Variants in PDK4 observed in about 807,000 individuals in gnomAD.
PDK4 encodes pyruvate dehydrogenase kinase, isozyme 4.
Under a neutral mutation model 51.7 loss-of-function variants are expected in PDK4, and 43 were observed. The ratio of observed to expected loss-of-function variants is 0.83; its 90% CI spans 0.65 to 1.07. PDK4 has a LOEUF of 1.07. Among genes scored for constraint, PDK4 ranks in the 50% least tolerant of loss-of-function variants. The probability of loss-of-function intolerance (pLI) is 0.00; values close to 1 mark genes in which losing one functional copy is unlikely to be tolerated. For synonymous variants in PDK4, 170 were observed against 176.6 expected (o/e 0.96, Z 0.30); for missense variants, 498 against 503.5 (o/e 0.99, Z 0.10).
chr7:95,584,732 T>C lies in PDK4; in HGVS notation c.*909A>G, dbSNP rs1791457740. 6.6e-6 allele frequency: 1 copy of C among 152,384 alleles called. No individual in the cohort carries two copies. The highest frequency in any genetic ancestry group is 6.5e-5 in the Admixed American group (1 of 15,282). The allele number at this position is 152,384 out of a possible 1,614,324, so 9.4% of individuals were successfully genotyped here. A position where few individuals can be genotyped will look rare whatever the true frequency, so the allele number is the denominator to read the frequency against. ...CAGGGTAGAGAAAAGCCCTTCCTACTGAATTAGGCTCTGAACATGTGATTT... is the reference window on the plus strand; with the variant it reads ...CAGGGTAGAGAAAAGCCCTTCCTACCGAATTAGGCTCTGAACATGTGATTT... On this transcript the variant is annotated 3_prime_UTR_variant, in exon 11 of 11. Transcript: ENST00000005178.
rs112315104 is a variant in PDK4, at chr7:95,586,096, T to C, written c.1096-315A>G. ...TTAATGTTTTAGTTGCTAATATCTA[T>C]ATTTTCAGTTGAAATAGTCAGCAAA... On this transcript the variant is annotated intron_variant, in intron 10 of 10. Transcript: ENST00000005178. Among the ~76,000 whole-genome samples, 158 of 152,240 alleles carry C rather than the reference T, an allele frequency of 1.0e-3. 4 individuals carry two copies. The highest frequency in any genetic ancestry group is 3.7e-3 in the African/African-American group (152 of 41,552).
At chr7:95,587,928 A>G in intron 7 of PDK4, 103 bp from the exon 8 acceptor site, 2 of 743,000 alleles carry the variant, frequency 2.7e-6, no homozygotes, top group South Asian at 3.4e-5. Flanking sequence ...AGGGTAATTC[A>G]AAGTTCCTAT....
At chr7:95,596,012 G>C (rs1562839888) in intron 1 of PDK4, 152 bp downstream of exon 1, 3 of 809,806 alleles carry the variant, frequency 3.7e-6, no homozygotes, top group East Asian at 3.3e-5. Flanking sequence ...TCTAGGAAAA[G>C]GAAAGGTGTG....
At chr7:95,589,321 A>G (rs1236188477) in intron 7 of PDK4, among the ~76,000 whole-genome samples, 1 of 152,176 alleles carries the variant, frequency 6.6e-6, no homozygotes, top group African/African-American at 2.4e-5. Context: ...CATTCACCCC[A>G]TGACCTCTCT....
At chr7:95,587,643 T>C (rs767286630) in intron 8 of PDK4, 84 bp downstream of exon 8, 211 of 1,182,558 alleles carry the variant, frequency 1.8e-4, no homozygotes, top group Non-Finnish European at 2.5e-4. Context: ...CTGTTATCTA[T>C]TGCAAAAAGC....
intron 6 of PDK4, among the ~76,000 whole-genome samples, chr7:95,590,107 G>A (rs1221195763): frequency 6.6e-6 from 1 of 151,778 alleles, no homozygotes; most frequent in Non-Finnish European, 1.5e-5. Flanking sequence ...TGTGAAGTTG[G>A]GTAAGTGTGG....
At position 95,587,243 on chromosome 7, in the gene PDK4, T is replaced by G. The variant is rs531267517; in HGVS notation, c.982-120A>C. The G allele has an allele frequency of 1.3e-5, 9 of 715,516 alleles. No individual in the cohort carries two copies. In the South Asian group the frequency reaches 1.6e-4, roughly 13 times the overall value. 44.3% of individuals were successfully genotyped at this position (715,516 alleles called of 1,614,324 possible). A position where few individuals can be genotyped will look rare whatever the true frequency, so the allele number is the denominator to read the frequency against. ...TAGAACCTAAATAAATATCTTCTAC[T>G]TCCAATCAGACATCCCTTGTTTCAC... On this transcript the variant is annotated intron_variant, in intron 9 of 10. Coordinates refer to ENST00000005178, the MANE Select transcript of PDK4 (RefSeq NM_002612.4).
At chr7:95,587,569 A>C (rs777172372) in intron 8 of PDK4, 41 bp from the exon 9 acceptor site, 2 of 1,339,196 alleles carry the variant, frequency 1.5e-6, no homozygotes, top group South Asian at 1.2e-5. Flanking sequence ...CACATTAAAA[A>C]CAATGTGCAT....
chr7:95,587,798 G>A lies in PDK4; in HGVS notation c.799C>T (p.Gln267Ter). ...KNAMRATVEH[Q>*]ENQPSLTPIE... Reference sequence around the variant, plus strand: ...GGTGTAAGGGAAGGCTGATTTTCCTGGTGTTCAACTGTTGCCCGCATTGCA... The same window carrying A: ...GGTGTAAGGGAAGGCTGATTTTCCTAGTGTTCAACTGTTGCCCGCATTGCA... The change falls in exon 8 of 11, where the codon CAG (glutamine) becomes TAG (stop). Residue 267 changes from glutamine to a stop codon, truncating the protein, a stop_gained. Coordinates refer to ENST00000005178, the MANE Select transcript of PDK4 (RefSeq NM_002612.4). LOFTEE classifies it high-confidence loss of function. 6.2e-7 allele frequency: 1 copy of A among 1,613,072 alleles called. No homozygotes were observed.
intron 3 of PDK4, 101 bp from the exon 4 acceptor site, chr7:95,593,045 C>G (rs775919153): frequency 3.6e-5 from 23 of 634,292 alleles, no homozygotes; most frequent in Admixed American, 5.8e-5. Context: ...TTTGCATTAC[C>G]CATCTGAACA....
At chr7:95,593,831 A>G in intron 2 of PDK4, 61 bp from the exon 3 acceptor site, 1 of 693,244 alleles carries the variant, frequency 1.4e-6, no homozygotes. Context: ...AATGGCTGAA[A>G]ATAGAATAGC....
In PDK4 at chr7:95,593,693, G is replaced by A; in HGVS notation, c.344+6C>T. The A allele has an allele frequency of 7.1e-7, 1 of 1,409,234 alleles. No homozygotes were observed. The allele number at this position is 1,409,234 out of a possible 1,614,324, so 87.3% of individuals were successfully genotyped here. A position where few individuals can be genotyped will look rare whatever the true frequency, so the allele number is the denominator to read the frequency against. ...TTAAACACTTATTCTAATGCATAGAGCTTACTCTGATAATGCTTTCTGGTC... is the reference window on the plus strand; with the variant it reads ...TTAAACACTTATTCTAATGCATAGAACTTACTCTGATAATGCTTTCTGGTC... On this transcript the variant is annotated splice_donor_region_variant and intron_variant, in intron 3 of 10. Coordinates refer to ENST00000005178, the MANE Select transcript of PDK4 (RefSeq NM_002612.4).
chr7:95,592,207 T>C, intron 5 of PDK4, 142 bp from the exon 6 acceptor site: 1 of 446,698 alleles, frequency 2.2e-6, no homozygotes. Flanking sequence ...TATTTTAATA[T>C]TTTATTGAAG....
intron 2 of PDK4, 39 bp from the exon 3 acceptor site, chr7:95,593,809 TAGTC>T (rs772062385): frequency 1.1e-6 from 1 of 893,264 alleles, no homozygotes; most frequent in Non-Finnish European, 1.8e-6. Context: ...TTAAAATTAA[TAGTC>T]AGATACAAAT....
chr7:95,585,912 C>G, intron 10 of PDK4, 131 bp from the exon 11 acceptor site: 1 of 743,750 alleles, frequency 1.3e-6, no homozygotes. Context: ...TTAATTGACA[C>G]AGTAATAAGA....
At chr7:95,587,166 C>T (rs749525532) in intron 9 of PDK4, 43 bp from the exon 10 acceptor site, 5 of 1,139,498 alleles carry the variant, frequency 4.4e-6, no homozygotes, top group Admixed American at 1.8e-5. Flanking sequence ...TGTATGTGAT[C>T]ACTGAAATAC....
Position 95,592,564 on chromosome 7 carries a change from G to A in PDK4, c.563C>T (p.Pro188Leu). 1 of 1,610,566 alleles carries A rather than the reference G, an allele frequency of 6.2e-7. No individual in the cohort carries two copies. The highest frequency in any genetic ancestry group is 8.5e-7 in the Non-Finnish European group (1 of 1,176,910). ...AGGATCAATGCTTCCAATGTGGCTT[G>A]GGTTTCCTGTCTGTGAGTCACTAAA... ...LIFSDSQTGN[P>L]SHIGSIDPNC... is the part of the protein sequence containing the mutation. The change falls in exon 5 of 11, where the codon CCA becomes CTA. Residue 188 changes from proline (P) to leucine (L), a missense_variant. Pro to Leu is a moderately conservative substitution (Grantham distance 98, BLOSUM62 -3). Coordinates refer to ENST00000005178, the MANE Select transcript of PDK4 (RefSeq NM_002612.4).
In PDK4 at chr7:95,587,445, C is replaced by T; in HGVS notation, c.954G>A (p.Val318=). 1.2e-6 allele frequency: 2 copies of T among 1,607,382 alleles called. No homozygotes were observed. The highest frequency in any genetic ancestry group is 1.7e-4 in the Middle Eastern group (1 of 6,054). Reference sequence around the variant, plus strand: ...AAGGAGCATTCCGGGAATTATCCATCACAGGCGTTGGTGCAGTGGAGTATG... The same window carrying T: ...AAGGAGCATTCCGGGAATTATCCATTACAGGCGTTGGTGCAGTGGAGTATG... ...SYTYSTAPTP[V]MDNSRNAPLA... The change falls in exon 9 of 11, where the codon GTG becomes GTA. Residue 318 remains valine (V), a synonymous_variant. Transcript: ENST00000005178.
Position 95,592,869 on chromosome 7 carries a change from C to G in PDK4, c.420G>C (p.Glu140Asp), listed in dbSNP as rs1002442622. The change falls in exon 4 of 11, where the codon GAG becomes GAC. Residue 140 changes from glutamate to aspartate, a missense_variant. Glu to Asp is a conservative substitution (Grantham distance 45). Coordinates refer to ENST00000005178, the MANE Select transcript of PDK4 (RefSeq NM_002612.4). ...GGTCAACTGTACAGGCATCTTTATA[C>G]TCTATGATTCCTTGTGCCATTGTAG... is the stretch of plus-strand genomic sequence containing the variant. ...VVPTMAQGII[E>D]YKDACTVDPV... is the part of the protein sequence containing the mutation. 11 of 1,611,130 alleles carry G rather than the reference C, an allele frequency of 6.8e-6. No homozygotes were observed. Among genetic ancestry groups the G allele is most frequent in the Non-Finnish European group, 8.5e-6 (10 of 1,177,618 alleles).
Sources: gnomAD v4.1 joint callset for allele counts (sites outside exome capture counted in the v4.1 genomes callset) on GRCh38, gnomAD v4.1.1 for gene constraint, MANE v1.5 for transcripts, NCBI Gene and HGNC (gene_info 2026-07-23, HGNC 2026-07-21) for gene names.